GALNT9: variants seen among roughly 807,000 people sequenced by gnomAD.
GALNT9 encodes GalNAc transferase 9.
In GALNT9, 47 loss-of-function variants were observed where a neutral mutation model predicts 63.1. The observed-to-expected ratio is 0.75, with a 90% CI of 0.59 to 0.95. The LOEUF is 0.95. GALNT9 is among the 40% of genes least tolerant of loss of function. GALNT9 has a pLI of 0.00. For missense variants in GALNT9, 829 were observed against 874.8 expected (o/e 0.95, Z 0.66); for synonymous variants, 396 against 365.7 (o/e 1.08, Z -0.94).
Position 132,261,026 on chromosome 12 carries a change from G to A in GALNT9, c.683C>T (p.Ala228Val), listed in dbSNP as rs940376675. 6.4e-6 allele frequency: 10 copies of A among 1,550,852 alleles called. No homozygotes were observed. The highest frequency in any genetic ancestry group is 4.1e-5 in the African/African-American group (3 of 73,016). The change falls in exon 4 of 11, where the codon GCG (alanine) becomes GTG (valine). Residue 228 changes from alanine (A) to valine (V), a missense_variant. Transcript: ENST00000328957. ...RNSRREGLIR[A>V]RLQGWKAATA... Reference sequence around the variant, plus strand: ...GGCCGCCTTCCAGCCCTGCAGCCGCGCGCGGATCAGTCCTTCCCGCCGGCT... The same window carrying A: ...GGCCGCCTTCCAGCCCTGCAGCCGCACGCGGATCAGTCCTTCCCGCCGGCT...
In GALNT9 at chr12:132,240,850, A is replaced by C. The variant is rs1353703266; in HGVS notation, c.1077+7060T>G. 6 of 392,134 alleles carry C rather than the reference A, an allele frequency of 1.5e-5. No individual in the cohort carries two copies. In the East Asian group the frequency reaches 4.4e-4, roughly 29 times the overall value. The allele number at this position is 392,134 out of a possible 1,614,324, so 24.3% of individuals were successfully genotyped here. Reference sequence around the variant, plus strand: ...TCCCTATACCCATTACACACACACCACACCCCCTTCCCAGGGCCGTCCCTA... The same window carrying C: ...TCCCTATACCCATTACACACACACCCCACCCCCTTCCCAGGGCCGTCCCTA... On this transcript the variant is annotated intron_variant, in intron 6 of 10. Coordinates refer to ENST00000328957, the MANE Select transcript of GALNT9 (RefSeq NM_001122636.2).
At chr12:132,305,390 T>C (rs1353236437) in intron 1 of GALNT9, among the ~76,000 whole-genome samples, 709 of 3,980 alleles carry the variant, frequency 0.18, no homozygotes, top group Non-Finnish European at 0.2. Flanking sequence ...CCCGGGCACA[T>C]CCTCACCGGG....
rs1358698700 is a variant in GALNT9 at position 132,236,879 on chromosome 12, G to A, written c.1077+11031C>T. On this transcript the variant is annotated intron_variant, in intron 6 of 10. Coordinates refer to ENST00000328957, the MANE Select transcript of GALNT9 (RefSeq NM_001122636.2). The surrounding 1 kb of genome is among the most constrained non-coding windows in gnomAD (Gnocchi z 5.6). ...GCTGTGGTCTTTGTGGCATCGGGAT[G>A]GGAAAGCCATGTGGGTGCTGGTCGT... Among the ~76,000 whole-genome samples the A allele has an allele frequency of 6.6e-6, 1 of 152,184 alleles. No individual in the cohort carries two copies. The highest frequency in any genetic ancestry group is 2.4e-5 in the African/African-American group (1 of 41,436).
intron 1 of GALNT9, among the ~76,000 whole-genome samples, chr12:132,317,018 C>A (rs992708192): frequency 6.7e-6 from 1 of 150,342 alleles, no homozygotes. Context: ...GCACCCTACA[C>A]CCCACGGAGC....
At chr12:132,204,607 G>C (rs1039810545) in intron 6 of GALNT9, among the ~76,000 whole-genome samples, 1 of 152,112 alleles carries the variant, frequency 6.6e-6, no homozygotes, top group South Asian at 2.1e-4. Context: ...GGCCAATCTC[G>C]GTACCCTCAG....
At position 132,261,838 on chromosome 12, in the gene GALNT9, T is replaced by G. The variant is rs558897277; in HGVS notation, c.586+621A>C. On this transcript the variant is annotated intron_variant, in intron 3 of 10. Coordinates refer to ENST00000328957, the MANE Select transcript of GALNT9 (RefSeq NM_001122636.2). Reference sequence around the variant, plus strand: ...CAGGCCTGGGGCAGTGCAAGATCCTTGTTTGGGGTTTCAAGCCTGTGTGCT... The same window carrying G: ...CAGGCCTGGGGCAGTGCAAGATCCTGGTTTGGGGTTTCAAGCCTGTGTGCT... Among the ~76,000 whole-genome samples the G allele has an allele frequency of 3.9e-5, 6 of 152,264 alleles. No individual in the cohort carries two copies. The South Asian group carries it at 1.2e-3, about 32-fold the overall frequency.
chr12:132,329,362 G>C lies in GALNT9; in HGVS notation c.-159C>G, dbSNP rs1466738254. On this transcript the variant is annotated 5_prime_UTR_variant, in exon 1 of 11. Transcript: ENST00000328957. Reference sequence around the variant, plus strand: ...CCCTTCAGCACCAGCTCAGCGCGCCGGGCCACGGCCGCCGGGGGTCCCCCA... The same window carrying C: ...CCCTTCAGCACCAGCTCAGCGCGCCCGGCCACGGCCGCCGGGGGTCCCCCA... 2 of 1,132,412 alleles carry C rather than the reference G, an allele frequency of 1.8e-6. No individual in the cohort carries two copies. Among genetic ancestry groups the C allele is most frequent in the African/African-American group, 3.3e-5 (2 of 60,726 alleles). The allele number at this position is 1,132,412 out of a possible 1,614,324, so 70.1% of individuals were successfully genotyped here.
chr12:132,268,402 C>A (rs1555240436), intron 2 of GALNT9, among the ~76,000 whole-genome samples: 1 of 152,202 alleles, frequency 6.6e-6, no homozygotes, highest in Non-Finnish European at 1.5e-5. Context: ...TAACCCAGAA[C>A]GGATCATTGA....
chr12:132,282,119 G>C lies in GALNT9; in HGVS notation c.419+4131C>G, dbSNP rs56292961. On this transcript the variant is annotated intron_variant, in intron 2 of 10. Coordinates refer to ENST00000328957, the MANE Select transcript of GALNT9 (RefSeq NM_001122636.2). This position sits in a 1 kb window ranked among gnomAD's most constrained non-coding sequence, Gnocchi z 4.5. The stretch of plus-strand genomic sequence containing the variant: ...GAGGAATCAGCTCCACTACAGCAAG[G>C]CCAGGCCTGGGGGTCCCCGATCCCA... 8.7e-4 allele frequency among the ~76,000 whole-genome samples: 114 copies of C among 131,402 alleles called. No individual in the cohort carries two copies. The highest frequency in any genetic ancestry group is 3.2e-3 in the African/African-American group (101 of 32,008). The allele number at this position is 131,402 out of a possible 152,430, so 86.2% of individuals were successfully genotyped here.
At chr12:132,278,048 C>T (rs905637106) in intron 2 of GALNT9, 1 of 146,400 alleles carries the variant, frequency 6.8e-6, no homozygotes, top group African/African-American at 2.5e-5. Context: ...TAAACTCCTC[C>T]TCCCCATTCT....
chr12:132,283,073 G>A (rs782722816), intron 2 of GALNT9: 1 of 152,252 alleles, frequency 6.6e-6, no homozygotes, highest in Non-Finnish European at 1.5e-5. Context: ...CCCAGCTCGG[G>A]TTCAGTCCTG....
intron 6 of GALNT9, among the ~76,000 whole-genome samples, chr12:132,206,582 G>A (rs1876709431): frequency 6.6e-6 from 1 of 152,052 alleles, no homozygotes; most frequent in Admixed American, 6.6e-5. Context: ...GGGAGGCAGA[G>A]GTGACAGTGA....
chr12:132,210,890 C>T (rs981874181), intron 6 of GALNT9, among the ~76,000 whole-genome samples: 2 of 151,384 alleles, frequency 1.3e-5, no homozygotes, highest in South Asian at 2.1e-4. Context: ...TCTGGGTGGT[C>T]GCTGTCTGGA....
At chr12:132,256,732 G>T (rs1555239119) in intron 5 of GALNT9, among the ~76,000 whole-genome samples, 2 of 151,960 alleles carry the variant, frequency 1.3e-5, no homozygotes, top group African/African-American at 4.8e-5. Context: ...AGGAGCTGCC[G>T]GTTTTCCAAA....
chr12:132,297,117 A>G lies in GALNT9; in HGVS notation c.239-10687T>C, dbSNP rs1249506723. On this transcript the variant is annotated intron_variant, in intron 1 of 10. Transcript: ENST00000328957. ...TAACCAACTCACTCCCAAGATGATCAAGTCACTCCCACCACAACCGACTCA... is the reference window on the plus strand; with the variant it reads ...TAACCAACTCACTCCCAAGATGATCGAGTCACTCCCACCACAACCGACTCA... Among the ~76,000 whole-genome samples the G allele has an allele frequency of 2.0e-5, 3 of 151,988 alleles. No homozygotes were observed. The East Asian group carries it at 5.8e-4, about 29-fold the overall frequency.
intron 6 of GALNT9, among the ~76,000 whole-genome samples, chr12:132,207,746 G>A (rs1053631619): frequency 6.6e-6 from 1 of 152,196 alleles, no homozygotes; most frequent in East Asian, 1.9e-4. Flanking sequence ...AGCTTTCGGG[G>A]TGTGTGAGGT....
chr12:132,218,226 T>C (rs768756072), intron 6 of GALNT9, among the ~76,000 whole-genome samples: 5 of 152,216 alleles, frequency 3.3e-5, no homozygotes, highest in African/African-American at 4.8e-5. Context: ...GTCATCAAGA[T>C]GAGGAAAACA....
chr12:132,266,049 C>T (rs1298212907), intron 2 of GALNT9, among the ~76,000 whole-genome samples: 1 of 149,578 alleles, frequency 6.7e-6, no homozygotes, highest in Non-Finnish European at 1.5e-5. Flanking sequence ...CATCAACAGG[C>T]ACGCACAGCC....
intron 6 of GALNT9, among the ~76,000 whole-genome samples, chr12:132,226,778 A>G (rs1877708567): frequency 7.1e-6 from 1 of 140,318 alleles, no homozygotes; most frequent in East Asian, 2.2e-4. Context: ...GTACATACAC[A>G]TCCCACACAT....
Sources: allele counts gnomAD v4.1 joint callset (sites outside exome capture counted in the v4.1 genomes callset), GRCh38; gene constraint gnomAD v4.1.1; non-coding constraint Gnocchi (gnomAD v3.1); transcripts MANE v1.5; gene names NCBI Gene and HGNC (gene_info 2026-07-23, HGNC 2026-07-21).